Variants in LRRC40 observed in about 807,000 individuals in gnomAD.
The protein encoded by LRRC40 is leucine-rich repeat-containing protein 40.
Under a neutral mutation model 72.8 loss-of-function variants are expected in LRRC40, and 76 were observed. The observed-to-expected ratio is 1.04, with a 90% CI of 0.87 to 1.26. The LOEUF (loss-of-function observed/expected upper bound fraction) is 1.26. LRRC40 is among the 50% of genes most tolerant of loss of function. LRRC40 has a pLI of 0.00. For missense variants in LRRC40, 684 were observed against 698.9 expected (o/e 0.98, Z 0.24); for synonymous variants, 243 against 254.2 (o/e 0.96, Z 0.42).
chr1:70,184,931 T>C lies in LRRC40; in HGVS notation c.408-17A>G. 6.4e-7 allele frequency: 1 copy of C among 1,569,970 alleles called. No homozygotes were observed. ...TTATTATGGCTATTGGTTGATAAAA[T>C]AAATGATGAATAATTTAGTGGCAAT... On this transcript the variant is annotated splice_polypyrimidine_tract_variant and intron_variant, in intron 3 of 14. Coordinates refer to ENST00000370952, the MANE Select transcript of LRRC40 (RefSeq NM_017768.5).
At chr1:70,165,372 G>C (rs1667859170) in intron 9 of LRRC40, among the ~76,000 whole-genome samples, 1 of 152,176 alleles carries the variant, frequency 6.6e-6, no homozygotes, top group African/African-American at 2.4e-5. Context: ...AAGAGAACAA[G>C]ATTTTTCTTT....
intron 14 of LRRC40, among the ~76,000 whole-genome samples, chr1:70,146,236 G>A (rs1667288737): frequency 6.6e-6 from 1 of 151,914 alleles, no homozygotes; most frequent in African/African-American, 2.4e-5. Context: ...TTTTGGCCAG[G>A]CTGGTCTCAA....
chr1:70,200,784 T>C (rs1038291443), intron 1 of LRRC40, among the ~76,000 whole-genome samples: 3 of 152,146 alleles, frequency 2.0e-5, no homozygotes, highest in African/African-American at 7.2e-5. Flanking sequence ...TCCCATAAAA[T>C]GTCTCATATA....
At chr1:70,151,415 T>C (rs1310807335) in intron 12 of LRRC40, among the ~76,000 whole-genome samples, 1 of 152,118 alleles carries the variant, frequency 6.6e-6, no homozygotes, top group Non-Finnish European at 1.5e-5. Flanking sequence ...AATACCAATA[T>C]GCAACCAATT....
intron 1 of LRRC40, among the ~76,000 whole-genome samples, chr1:70,190,105 T>C (rs1668460274): frequency 1.3e-5 from 2 of 152,148 alleles, no homozygotes; most frequent in South Asian, 2.1e-4. Flanking sequence ...TGCTGTAGTG[T>C]TGTAGCAAAA....
chr1:70,191,934 T>C (rs1290740064), intron 1 of LRRC40, among the ~76,000 whole-genome samples: 2 of 152,196 alleles, frequency 1.3e-5, no homozygotes, highest in African/African-American at 2.4e-5. Context: ...TTGCTTAGAA[T>C]TGCCTTGGCT....
intron 1 of LRRC40, among the ~76,000 whole-genome samples, chr1:70,199,003 T>A (rs955750974): frequency 4.0e-5 from 6 of 151,598 alleles, no homozygotes; most frequent in African/African-American, 1.5e-4. Context: ...ATATAAAAAT[T>A]GGCCAGGCAT....
intron 11 of LRRC40, among the ~76,000 whole-genome samples, chr1:70,155,143 ATG>A (rs201006645): frequency 0.02 from 3,028 of 152,282 alleles, 37 homozygotes; most frequent in Non-Finnish European, 0.031. Flanking sequence ...ACAACAAAAA[ATG>A]TATTTAACAG....
chr1:70,169,663 T>C (rs1419623245), intron 9 of LRRC40, among the ~76,000 whole-genome samples: 1 of 152,098 alleles, frequency 6.6e-6, no homozygotes, highest in Non-Finnish European at 1.5e-5. Flanking sequence ...GGCAACTATA[T>C]GCCAACAAAT....
intron 10 of LRRC40, among the ~76,000 whole-genome samples, chr1:70,159,030 T>C (rs1667700368): frequency 6.6e-6 from 1 of 152,172 alleles, no homozygotes; most frequent in African/African-American, 2.4e-5. Context: ...ACTTTTAATA[T>C]CCTTCTATTT....
intron 1 of LRRC40, among the ~76,000 whole-genome samples, chr1:70,197,121 A>G (rs1444519971): frequency 6.6e-6 from 1 of 152,034 alleles, no homozygotes; most frequent in Non-Finnish European, 1.5e-5. Context: ...GGGCACTTGC[A>G]ATGTGGTTAA....
intron 4 of LRRC40, among the ~76,000 whole-genome samples, chr1:70,182,961 T>C (rs1668278857): frequency 6.6e-6 from 1 of 152,124 alleles, no homozygotes; most frequent in Non-Finnish European, 1.5e-5. Context: ...AGCTCTCAAC[T>C]CCAAATGGAC....
Position 70,178,970 on chromosome 1 carries a change from A to C in LRRC40, c.685T>G (p.Ser229Ala), listed in dbSNP as rs766726974. 2.5e-6 allele frequency: 4 copies of C among 1,599,162 alleles called. No individual in the cohort carries two copies. Among genetic ancestry groups the C allele is most frequent in the East Asian group, 2.2e-5 (1 of 44,606 alleles). The change falls in exon 6 of 15, where the codon TCA becomes GCA. Residue 229 changes from serine to alanine, a missense_variant. By Grantham distance (99) the Ser-to-Ala change is moderately conservative. Transcript: ENST00000370952. ...MKRLKHLDCNSNLLETIPPEL... is the reference protein window; with the variant it reads ...MKRLKHLDCNANLLETIPPEL... ...GGAGGTATAGTTTCCAAGAGATTTG[A>C]ATTACAATCCAAATGCTTCAACCCT...
chr1:70,200,737 T>C (rs1668719331), intron 1 of LRRC40, among the ~76,000 whole-genome samples: 3 of 152,152 alleles, frequency 2.0e-5, no homozygotes, highest in South Asian at 2.1e-4. Flanking sequence ...TAACTCCCTA[T>C]AGCATACAAA....
chr1:70,204,235 G>C (rs947825639), intron 1 of LRRC40, among the ~76,000 whole-genome samples: 1 of 152,154 alleles, frequency 6.6e-6, no homozygotes, highest in African/African-American at 2.4e-5. Context: ...TATGTACCAA[G>C]CACTATTTTC....
rs1284417954 is a variant in LRRC40, at chr1:70,148,561, A to T, written c.1629T>A (p.Asn543Lys). ...VDPQKMKMMENLTTLDLQNND... is the reference protein window; with the variant it reads ...VDPQKMKMMEKLTTLDLQNND... ...TATTTTGAAGGTCCAACGTGGTCAG[A>T]TTTTCCATCATCTTCATTTTCTGAG... The change falls in exon 14 of 15, where the codon AAT becomes AAA. Residue 543 changes from asparagine (N) to lysine (K), a missense_variant. By Grantham distance (94) the Asn-to-Lys change is moderately conservative (BLOSUM62 0). Coordinates refer to ENST00000370952, the MANE Select transcript of LRRC40 (RefSeq NM_017768.5). 6.2e-7 allele frequency: 1 copy of T among 1,613,522 alleles called. No individual in the cohort carries two copies. The highest frequency in any genetic ancestry group is 8.5e-7 in the Non-Finnish European group (1 of 1,179,696).
At chr1:70,194,583 A>C (rs1571493692) in intron 1 of LRRC40, among the ~76,000 whole-genome samples, 1 of 152,102 alleles carries the variant, frequency 6.6e-6, no homozygotes. Context: ...AGCCAATTCT[A>C]AAATGTGTAT....
At chr1:70,159,281 C>T (rs982232223) in intron 10 of LRRC40, 49 bp downstream of exon 10, 3 of 852,410 alleles carry the variant, frequency 3.5e-6, no homozygotes, top group Admixed American at 2.6e-5. Flanking sequence ...CTGGGCAACA[C>T]AGTAAGACCC....
chr1:70,153,339 G>A (rs1667554309), intron 11 of LRRC40, among the ~76,000 whole-genome samples: 1 of 151,704 alleles, frequency 6.6e-6, no homozygotes, highest in African/African-American at 2.4e-5. Flanking sequence ...TCCAGCCTGG[G>A]CAACAAGAGC....
Sources: gnomAD v4.1 joint callset for allele counts (sites outside exome capture counted in the v4.1 genomes callset) on GRCh38, gnomAD v4.1.1 for gene constraint, MANE v1.5 for transcripts, NCBI Gene and HGNC (gene_info 2026-07-23, HGNC 2026-07-21) for gene names.